Variants in ATP8B1 observed in about 807,000 individuals in gnomAD.
ATP8B1 encodes the protein phospholipid-transporting ATPase IC.
A neutral mutation model predicts 149.9 loss-of-function variants in ATP8B1; 80 were observed. The observed-to-expected ratio is 0.53, with a 90% CI of 0.45 to 0.64. The LOEUF (loss-of-function observed/expected upper bound fraction) is 0.64, where lower values mean the gene tolerates loss of function less well. ATP8B1 is among the 30% of genes least tolerant of loss of function. ATP8B1 has a pLI of 0.00. For missense variants in ATP8B1, 1,247 were observed against 1,552.6 expected, an observed-to-expected ratio of 0.80 and a Z score of 3.31; for synonymous variants, 536 against 562.8, an observed-to-expected ratio of 0.95 and a Z score of 0.67.
chr18:57,697,001 C>T (rs930138103), intron 8 of ATP8B1, among the ~76,000 whole-genome samples: 37 of 152,174 alleles, frequency 2.4e-4, no homozygotes, highest in African/African-American at 8.9e-4. Flanking sequence ...TGGCTCACCC[C>T]TGTAATCCCA....
At chr18:57,759,671 G>A (rs1480900086) in intron 1 of ATP8B1, among the ~76,000 whole-genome samples, 1 of 151,872 alleles carries the variant, frequency 6.6e-6, no homozygotes, top group Non-Finnish European at 1.5e-5. Flanking sequence ...AGAATTAGCC[G>A]GGCTTGGTGG....
intron 27 of ATP8B1, among the ~76,000 whole-genome samples, chr18:57,649,297 T>TCTAC (rs768128103): frequency 2.0e-5 from 3 of 152,098 alleles, no homozygotes; most frequent in Non-Finnish European, 2.9e-5. Context: ...GATCAATCGA[T>TCTAC]CTACCTACCT....
chr18:57,706,425 A>G (rs1913395972), intron 3 of ATP8B1, 65 bp downstream of exon 3: 3 of 1,332,056 alleles, frequency 2.3e-6, no homozygotes, highest in Non-Finnish European at 3.2e-6. Context: ...TGAAGGTAGT[A>G]AGCATGCCAG....
At chr18:57,798,394 A>G (rs2663846) in intron 1 of ATP8B1, among the ~76,000 whole-genome samples, 21,087 of 150,356 alleles carry the variant, frequency 0.14, 2,051 homozygotes, top group East Asian at 0.43. Context: ...TGGGCAACAT[A>G]GTGAGACCCT....
intron 25 of ATP8B1, 48 bp downstream of exon 25, chr18:57,652,436 T>C (rs753887767): frequency 4.3e-6 from 7 of 1,612,302 alleles, no homozygotes; most frequent in African/African-American, 1.3e-5. Flanking sequence ...TACAGAAATA[T>C]AAGTAGGTAC....
rs778408511 is a variant in ATP8B1 at position 57,661,273 on chromosome 18, G to T, written c.2608C>A (p.Pro870Thr). The change falls in exon 22 of 28, where the codon CCC becomes ACC. Residue 870 changes from proline (P) to threonine (T), a missense_variant. Physicochemically the swap from Pro to Thr is conservative, Grantham distance 38. Coordinates refer to ENST00000648908, the MANE Select transcript of ATP8B1 (RefSeq NM_001374385.1). ...TCCACCACCATGGCCTTCTGCTTGG[G>T]GGTGACGCGGCAGCAGATGACTGCG... ...CSAVICCRVT[P>T]KQKAMVVDLV... The T allele has an allele frequency of 6.2e-7, 1 of 1,613,950 alleles. No homozygotes were observed. The highest frequency in any genetic ancestry group is 8.5e-7 in the Non-Finnish European group (1 of 1,180,002).
chr18:57,684,933 A>G (rs558329489), intron 14 of ATP8B1, 139 bp downstream of exon 14: 142 of 1,074,314 alleles, frequency 1.3e-4, no homozygotes, highest in Non-Finnish European at 1.4e-6. Context: ...GCCAAGGAAC[A>G]CCAAGGACTG....
chr18:57,789,105 T>C (rs997084803), intron 1 of ATP8B1, among the ~76,000 whole-genome samples: 18 of 152,222 alleles, frequency 1.2e-4, no homozygotes, highest in African/African-American at 4.1e-4. Flanking sequence ...CACAGAGTTA[T>C]ATCTGACATT....
Position 57,803,227 on chromosome 18 carries a change from C to A in ATP8B1, c.-255G>T, listed in dbSNP as rs2081910753. ...GGCTCCCCCGCCTTTCCCCGCCCCG[C>A]GTCCGTGCACCCTTCCTCTGCAGCC... is the stretch of plus-strand genomic sequence containing the variant. On this transcript the variant is annotated 5_prime_UTR_variant, in exon 1 of 28. Coordinates refer to ENST00000648908, the MANE Select transcript of ATP8B1 (RefSeq NM_001374385.1). The A allele has an allele frequency of 1.3e-5, 2 of 152,346 alleles. No homozygotes were observed. Among genetic ancestry groups the A allele is most frequent in the Admixed American group, 1.3e-4 (2 of 15,292 alleles). The allele number at this position is 152,346 out of a possible 1,614,324, so 9.4% of individuals were successfully genotyped here.
chr18:57,721,558 A>G (rs2123074135), intron 2 of ATP8B1, among the ~76,000 whole-genome samples: 1 of 152,230 alleles, frequency 6.6e-6, no homozygotes, highest in African/African-American at 2.4e-5. Flanking sequence ...TCTCCTAAAT[A>G]TATATGCACC....
chr18:57,719,854 G>T (rs2079624113), intron 2 of ATP8B1, among the ~76,000 whole-genome samples: 1 of 152,222 alleles, frequency 6.6e-6, no homozygotes. Flanking sequence ...CTGTCTGACA[G>T]CTTTGAAGAG....
chr18:57,701,771 A>G (rs780441260), intron 4 of ATP8B1, among the ~76,000 whole-genome samples: 7 of 151,520 alleles, frequency 4.6e-5, no homozygotes, highest in African/African-American at 1.5e-4. Context: ...TTTTGGCTCA[A>G]TGCAACCTCC....
chr18:57,669,123 G>A (rs1326097333), intron 18 of ATP8B1, 195 bp downstream of exon 18: 10 of 463,604 alleles, frequency 2.2e-5, no homozygotes, highest in Non-Finnish European at 3.3e-5. Flanking sequence ...TTGTCTTTTG[G>A]TTTCTCATAA....
At chr18:57,670,347 T>C (rs1312534316) in intron 17 of ATP8B1, among the ~76,000 whole-genome samples, 1 of 147,146 alleles carries the variant, frequency 6.8e-6, no homozygotes, top group African/African-American at 2.5e-5. Context: ...TTTTTTCTTT[T>C]TCTTTTTCTT....
intron 1 of ATP8B1, among the ~76,000 whole-genome samples, chr18:57,748,970 A>G (rs543948444): frequency 6.6e-6 from 1 of 152,266 alleles, no homozygotes; most frequent in Non-Finnish European, 1.5e-5. Flanking sequence ...TGCATTTAAG[A>G]GAAAAGGTAC....
In ATP8B1 at chr18:57,653,980, C is replaced by T. The variant is rs375457211; in HGVS notation, c.3015+12G>A. The T allele has an allele frequency of 4.9e-5, 79 of 1,608,332 alleles. No individual in the cohort carries two copies. Among genetic ancestry groups the T allele is most frequent in the African/African-American group, 9.4e-5 (7 of 74,738 alleles). Reference sequence around the variant, plus strand: ...CTGTCCAGAAGTGTCCCTGCTTGTGCGAGGCTCCTACCTGGTCGAGCAGCC... The same window carrying T: ...CTGTCCAGAAGTGTCCCTGCTTGTGTGAGGCTCCTACCTGGTCGAGCAGCC... On this transcript the variant is annotated intron_variant, in intron 24 of 27. Coordinates refer to ENST00000648908, the MANE Select transcript of ATP8B1 (RefSeq NM_001374385.1).
rs925689913 is a variant in ATP8B1 at position 57,802,395 on chromosome 18, T to C, written c.-26+603A>G. On this transcript the variant is annotated intron_variant, in intron 1 of 27. Transcript: ENST00000648908. The surrounding 1 kb of genome is among the most constrained non-coding windows in gnomAD (Gnocchi z 4.9). ...TGTCGGTCTTCCCCATCACCTCCCC[T>C]CCCCATCCCACAATAAAGCGCACGG... Among the ~76,000 whole-genome samples the C allele has an allele frequency of 4.0e-5, 6 of 151,800 alleles. No individual in the cohort carries two copies. Among genetic ancestry groups the C allele is most frequent in the African/African-American group, 1.5e-4 (6 of 41,324 alleles).
rs1912176104 is a variant in ATP8B1 at position 57,685,219 on chromosome 18, G to A, written c.1430-104C>T. On this transcript the variant is annotated intron_variant, in intron 13 of 27. Transcript: ENST00000648908. ...AGTGATGGTGGTAAGACCATATACG[G>A]CCTGGACAGGCTAAAATATTTATTA... 3.3e-6 allele frequency: 4 copies of A among 1,212,076 alleles called. No individual in the cohort carries two copies. In the South Asian group the frequency reaches 4.9e-5, roughly 15 times the overall value. 75.1% of individuals were successfully genotyped at this position (1,212,076 alleles called of 1,614,324 possible).
chr18:57,659,438 A>G (rs1171920256), intron 22 of ATP8B1, among the ~76,000 whole-genome samples: 1 of 152,192 alleles, frequency 6.6e-6, no homozygotes. Context: ...AAGTCACATA[A>G]TCAGTTGATA....
Sources: allele counts gnomAD v4.1 joint callset (sites outside exome capture counted in the v4.1 genomes callset), GRCh38; gene constraint gnomAD v4.1.1; non-coding constraint Gnocchi (gnomAD v3.1); transcripts MANE v1.5; gene names NCBI Gene and HGNC (gene_info 2026-07-23, HGNC 2026-07-21).